The following CNTNAP4 variants were observed in gnomAD, a reference collection of about 807,000 sequenced individuals.
CNTNAP4 encodes the protein contactin-associated protein-like 4.
A neutral mutation model predicts 148.4 loss-of-function variants in CNTNAP4; 98 were observed. That is an observed-to-expected ratio of 0.66 (90% CI 0.56 to 0.78). The LOEUF is 0.78. CNTNAP4 is among the 30% of genes least tolerant of loss of function. The probability of loss-of-function intolerance (pLI) is 0.00; values close to 1 mark genes in which losing one functional copy is unlikely to be tolerated. For missense variants in CNTNAP4, 1,935 were observed against 1,565.6 expected, an observed-to-expected ratio of 1.24 and a Z score of -3.98; for synonymous variants, 730 against 565.1, an observed-to-expected ratio of 1.29 and a Z score of -4.14.
chr16:76,516,656 C>T (rs1214257608), intron 15 of CNTNAP4, among the ~76,000 whole-genome samples: 1 of 152,210 alleles, frequency 6.6e-6, no homozygotes, highest in East Asian at 1.9e-4. Context: ...ACGTAGGTGT[C>T]CTTCTGCAGG....
chr16:76,377,787 C>A (rs2015567099), intron 3 of CNTNAP4, among the ~76,000 whole-genome samples: 1 of 152,092 alleles, frequency 6.6e-6, no homozygotes, highest in Non-Finnish European at 1.5e-5. Context: ...CTGTAATTGA[C>A]AGAAGAACTA....
intron 2 of CNTNAP4, among the ~76,000 whole-genome samples, chr16:76,333,815 C>CTAGTACTT (rs1963770234): frequency 7.1e-5 from 1 of 14,016 alleles, no homozygotes; most frequent in Non-Finnish European, 1.5e-4. Context: ...GGTGACTTTT[C>CTAGTACTT]TAGTACTTTA....
chr16:76,290,570 T>A (rs1287814765), intron 1 of CNTNAP4, among the ~76,000 whole-genome samples: 1 of 152,178 alleles, frequency 6.6e-6, no homozygotes, highest in Non-Finnish European at 1.5e-5. Flanking sequence ...TCACTTCCTC[T>A]AAATTCCTTC....
intron 21 of CNTNAP4, among the ~76,000 whole-genome samples, chr16:76,541,109 G>A (rs1568574124): frequency 6.6e-6 from 1 of 152,174 alleles, no homozygotes; most frequent in South Asian, 2.1e-4. Context: ...AACAAAGTAT[G>A]TATTAATTAG....
At chr16:76,284,770 T>C (rs1267143168) in intron 1 of CNTNAP4, among the ~76,000 whole-genome samples, 3 of 152,034 alleles carry the variant, frequency 2.0e-5, no homozygotes, top group Non-Finnish European at 2.9e-5. Context: ...CCTGTATGTG[T>C]ATGCATGCAT....
intron 7 of CNTNAP4, among the ~76,000 whole-genome samples, chr16:76,450,943 G>A (rs1231362342): frequency 6.6e-6 from 1 of 152,208 alleles, no homozygotes; most frequent in African/African-American, 2.4e-5. Flanking sequence ...TCTGCCCAAA[G>A]CAGTGATGTG....
At chr16:76,297,481 C>T (rs575874995) in intron 1 of CNTNAP4, among the ~76,000 whole-genome samples, 34 of 152,142 alleles carry the variant, frequency 2.2e-4, no homozygotes, top group African/African-American at 4.8e-4. Context: ...GTGCATGCTC[C>T]GAGTTGTGTT....
At chr16:76,477,889 G>T (rs8059313) in intron 11 of CNTNAP4, among the ~76,000 whole-genome samples, 1 of 152,210 alleles carries the variant, frequency 6.6e-6, no homozygotes, top group Non-Finnish European at 1.5e-5. Flanking sequence ...CAAAAATTAG[G>T]TAATAAATAA....
chr16:76,467,392 A>T lies in CNTNAP4; in HGVS notation c.1524A>T (p.Pro508=). 1.9e-6 allele frequency: 3 copies of T among 1,613,902 alleles called. No homozygotes were observed. Among genetic ancestry groups the T allele is most frequent in the Non-Finnish European group, 2.5e-6 (3 of 1,179,844 alleles). The change falls in exon 10 of 24, where the codon CCA becomes CCT. Residue 508 remains proline, a synonymous_variant. Transcript: ENST00000611870. ...DKSFGSKCKS[P]LGGFQGCMRL... is the part of the protein sequence containing the mutation. ...GCTTTGGATCCAAATGTAAAAGTCC[A>T]CTTGGTGGATTTCAGGGATGTATGA...
At chr16:76,468,272 G>A (rs370404771) in intron 10 of CNTNAP4, among the ~76,000 whole-genome samples, 3 of 151,934 alleles carry the variant, frequency 2.0e-5, no homozygotes, top group Non-Finnish European at 2.9e-5. Flanking sequence ...TCAGGAGTTC[G>A]AGACCAACCT....
chr16:76,542,131 C>G (rs139082838), intron 21 of CNTNAP4, among the ~76,000 whole-genome samples: 25 of 152,180 alleles, frequency 1.6e-4, no homozygotes, highest in African/African-American at 5.5e-4. Flanking sequence ...TAGCTTTAGA[C>G]AAAACTTCAG....
At chr16:76,451,716 A>G (rs2080488183) in intron 7 of CNTNAP4, among the ~76,000 whole-genome samples, 1 of 151,434 alleles carries the variant, frequency 6.6e-6, no homozygotes, top group African/African-American at 2.4e-5. Context: ...CTGGTAAGCT[A>G]TCATGCAGCT....
chr16:76,470,808 A>G (rs757294812), intron 10 of CNTNAP4, among the ~76,000 whole-genome samples: 1 of 152,158 alleles, frequency 6.6e-6, no homozygotes, highest in African/African-American at 2.4e-5. Flanking sequence ...ATACACACAC[A>G]TGCTCACATT....
intron 15 of CNTNAP4, among the ~76,000 whole-genome samples, chr16:76,500,254 C>A (rs1001387978): frequency 1.3e-5 from 2 of 152,104 alleles, no homozygotes; most frequent in Non-Finnish European, 2.9e-5. Flanking sequence ...CCGGACGGGG[C>A]GGCTGGCCGG....
chr16:76,316,243 C>T, intron 1 of CNTNAP4, 170 bp from the exon 2 acceptor site: 8 of 643,540 alleles, frequency 1.2e-5, no homozygotes, highest in Admixed American at 9.9e-5. Flanking sequence ...TTTCTTTTCT[C>T]ATTGAACTTA....
At chr16:76,510,675 A>C (rs573543494) in intron 15 of CNTNAP4, among the ~76,000 whole-genome samples, 2 of 152,282 alleles carry the variant, frequency 1.3e-5, no homozygotes, top group South Asian at 4.1e-4. Flanking sequence ...ATGTCTTTTT[A>C]GTTGACTGTA....
At chr16:76,323,083 G>A (rs1207132704) in intron 2 of CNTNAP4, among the ~76,000 whole-genome samples, 2 of 152,086 alleles carry the variant, frequency 1.3e-5, no homozygotes, top group African/African-American at 2.4e-5. Flanking sequence ...CTGACCTCAC[G>A]TGATCTGCCT....
chr16:76,496,917 C>G (rs538485340), intron 14 of CNTNAP4, among the ~76,000 whole-genome samples: 1 of 152,092 alleles, frequency 6.6e-6, no homozygotes, highest in South Asian at 2.1e-4. Flanking sequence ...TATTTGAAGA[C>G]TTAAAGGTAA....
chr16:76,512,087 G>T (rs1239784387), intron 15 of CNTNAP4, among the ~76,000 whole-genome samples: 1 of 152,128 alleles, frequency 6.6e-6, no homozygotes, highest in Non-Finnish European at 1.5e-5. Context: ...ACACAGAAAT[G>T]GGGTGTAGAT....
Sources: gnomAD v4.1 joint callset for allele counts (sites outside exome capture counted in the v4.1 genomes callset) on GRCh38, gnomAD v4.1.1 for gene constraint, MANE v1.5 for transcripts, NCBI Gene and HGNC (gene_info 2026-07-23, HGNC 2026-07-21) for gene names.